RPRD2: variants seen among roughly 807,000 people sequenced by gnomAD.
RPRD2 encodes the protein regulation of nuclear pre-mRNA domain-containing protein 2.
Under a neutral mutation model 104.4 loss-of-function variants are expected in RPRD2, and 12 were observed. The ratio of observed to expected loss-of-function variants is 0.11; its 90% CI spans 0.07 to 0.19. The LOEUF is 0.19. RPRD2 is among the 10% of genes least tolerant of loss of function. The probability of loss-of-function intolerance (pLI) is 1.00; values close to 1 mark genes in which losing one functional copy is unlikely to be tolerated. For missense variants in RPRD2, 1,543 were observed against 1,790.1 expected, an observed-to-expected ratio of 0.86 and a Z score of 2.49; for synonymous variants, 714 against 684.9, an observed-to-expected ratio of 1.04 and a Z score of -0.66.
intron 1 of RPRD2, among the ~76,000 whole-genome samples, chr1:150,386,036 TAGAG>T (rs771886893): frequency 2.4e-4 from 36 of 152,286 alleles, no homozygotes; most frequent in East Asian, 5.8e-4. Flanking sequence ...TATGATTAGA[TAGAG>T]AGAAGACATT....
intron 1 of RPRD2, among the ~76,000 whole-genome samples, chr1:150,369,623 ATTTTTTT>A (rs61016870): frequency 1.5e-5 from 1 of 68,900 alleles, no homozygotes; most frequent in African/African-American, 5.6e-5. Flanking sequence ...CGCCCAGCTA[ATTTTTTT>A]TTTTTTTTTT....
In RPRD2 at chr1:150,364,605, C is replaced by A; in HGVS notation, c.-110C>A. 1.6e-6 allele frequency: 1 copy of A among 625,362 alleles called. No individual in the cohort carries two copies. 38.7% of individuals were successfully genotyped at this position (625,362 alleles called of 1,614,324 possible). A position where few individuals can be genotyped will look rare whatever the true frequency, so the allele number is the denominator to read the frequency against. On this transcript the variant is annotated 5_prime_UTR_variant, in exon 1 of 11. Coordinates refer to ENST00000369068, the MANE Select transcript of RPRD2 (RefSeq NM_015203.5). ...GTGCACCATCCCCACCCCCTAGCTT[C>A]CCTCCCCACCTACGGCTTTCACGCA...
At chr1:150,404,043 A>G (rs1217085841) in intron 1 of RPRD2, among the ~76,000 whole-genome samples, 1 of 152,196 alleles carries the variant, frequency 6.6e-6, no homozygotes, top group East Asian at 1.9e-4. Flanking sequence ...GCCTAGAGGA[A>G]ATGGAGAAAG....
Position 150,387,566 on chromosome 1 carries a change from CCT to C in RPRD2, c.205+22648_205+22649del, listed in dbSNP as rs1560158131. Among the ~76,000 whole-genome samples, 57 of 70,130 alleles carry C rather than the reference CCT, an allele frequency of 8.1e-4. 12 individuals carry two copies. Among genetic ancestry groups the C allele is most frequent in the South Asian group, 2.9e-3 (5 of 1,720 alleles). The allele number at this position is 70,130 out of a possible 152,430, so 46.0% of individuals were successfully genotyped here. A position where few individuals can be genotyped will look rare whatever the true frequency, so the allele number is the denominator to read the frequency against. ...TAAATCTTACAGAAGTTGCAACAGA[CCT>C]TTTTTTTTTTTTTTTTTTTTTTTTT... On this transcript the variant is annotated intron_variant, in intron 1 of 10. Transcript: ENST00000369068.
rs587612745 is a variant in RPRD2 at position 150,388,795 on chromosome 1, C to T, written c.205+23876C>T. ...CTAATTTTTGTATTTTTAGTAGAGG[C>T]GGGGTTTCACCATATTGGCCAGGCT... On this transcript the variant is annotated intron_variant, in intron 1 of 10. Transcript: ENST00000369068. Among the ~76,000 whole-genome samples, 8 of 151,786 alleles carry T rather than the reference C, an allele frequency of 5.3e-5. No homozygotes were observed. In the East Asian group the frequency reaches 7.7e-4, roughly 15 times the overall value.
chr1:150,431,705 T>C (rs1204683882), intron 2 of RPRD2, among the ~76,000 whole-genome samples: 2 of 152,122 alleles, frequency 1.3e-5, no homozygotes, highest in East Asian at 3.9e-4. Context: ...GGTCTTGAAC[T>C]CCTGACCTTA....
In RPRD2 at chr1:150,402,689, G is replaced by A. The variant is rs965952647; in HGVS notation, c.206-14907G>A. Among the ~76,000 whole-genome samples the A allele has an allele frequency of 6.6e-4, 96 of 146,438 alleles. 1 individual carries two copies. The highest frequency in any genetic ancestry group is 2.2e-3 in the African/African-American group (85 of 39,430). The stretch of plus-strand genomic sequence containing the variant: ...GCAAATCAAGATCCCCGTTTCAGCC[G>A]GGCGCGGTGGCTCACGCCTGTAATC... On this transcript the variant is annotated intron_variant, in intron 1 of 10. Coordinates refer to ENST00000369068, the MANE Select transcript of RPRD2 (RefSeq NM_015203.5).
At chr1:150,441,677 G>T in intron 3 of RPRD2, 1 of 428,080 alleles carries the variant, frequency 2.3e-6, no homozygotes, top group South Asian at 4.9e-5. Flanking sequence ...TGGTAATTTC[G>T]CTGATGATAA....
At chr1:150,451,958 T>C (rs192172735) in intron 7 of RPRD2, among the ~76,000 whole-genome samples, 2 of 151,658 alleles carry the variant, frequency 1.3e-5, no homozygotes, top group East Asian at 3.9e-4. Flanking sequence ...CTGGCCAATA[T>C]GGTGAAACCC....
chr1:150,473,192 G>C lies in RPRD2; in HGVS notation c.4244G>C (p.Arg1415Pro), dbSNP rs758905047. The change falls in exon 11 of 11, where the codon CGG becomes CCG. Residue 1415 changes from arginine to proline, a missense_variant. This residue lies in a region of RPRD2 where 880 missense variants were observed against 885.6 expected (regional missense o/e 0.99). Transcript: ENST00000369068. ...ATCAGCCGGAGTGGTATAATCTTAC[G>C]GAGTCCCCGGCCAGACTTTCGGCCT... ...DTISRSGIIL[R>P]SPRPDFRPRE... 15 of 1,613,962 alleles carry C rather than the reference G, an allele frequency of 9.3e-6. No homozygotes were observed. The highest frequency in any genetic ancestry group is 1.2e-5 in the Non-Finnish European group (14 of 1,179,868).
At chr1:150,365,015 T>C (rs1572324687) in intron 1 of RPRD2, 96 bp downstream of exon 1, 1 of 1,278,870 alleles carries the variant, frequency 7.8e-7, no homozygotes, top group East Asian at 2.4e-5. Flanking sequence ...CCGCAGCATT[T>C]GGTTGGGGTT....
At chr1:150,383,760 T>A (rs1553881256) in intron 1 of RPRD2, among the ~76,000 whole-genome samples, 3 of 152,164 alleles carry the variant, frequency 2.0e-5, no homozygotes, top group Non-Finnish European at 1.5e-5. Flanking sequence ...GCTTTTGAAA[T>A]TCATTCATAG....
intron 1 of RPRD2, among the ~76,000 whole-genome samples, chr1:150,384,450 CATTATTATT>C (rs60436957): frequency 0.33 from 43,075 of 132,252 alleles, 7,802 homozygotes; most frequent in Non-Finnish European, 0.4. Context: ...GCATCATCAT[CATTATTATT>C]ATTATTATTA....
intron 8 of RPRD2, among the ~76,000 whole-genome samples, chr1:150,458,166 A>G (rs1667671381): frequency 1.3e-5 from 2 of 151,564 alleles, no homozygotes; most frequent in African/African-American, 4.9e-5. Flanking sequence ...TATAAAATAC[A>G]CATTGAGGCC....
At chr1:150,462,737 G>T (rs1570790739) in intron 9 of RPRD2, among the ~76,000 whole-genome samples, 1 of 151,916 alleles carries the variant, frequency 6.6e-6, no homozygotes, top group South Asian at 2.1e-4. Flanking sequence ...TTGTATTTTT[G>T]GTAGAGACGG....
At chr1:150,397,559 G>A (rs1553884445) in intron 1 of RPRD2, among the ~76,000 whole-genome samples, 2 of 152,136 alleles carry the variant, frequency 1.3e-5, no homozygotes, top group Non-Finnish European at 2.9e-5. Context: ...TGTAAATGGA[G>A]TGATGTAACC....
chr1:150,437,117 C>T (rs1169539218), intron 2 of RPRD2, among the ~76,000 whole-genome samples: 2 of 152,008 alleles, frequency 1.3e-5, no homozygotes, highest in Non-Finnish European at 2.9e-5. Flanking sequence ...TGGATCTGGG[C>T]AAAGGAAATT....
chr1:150,457,963 C>T (rs980940102), intron 8 of RPRD2, among the ~76,000 whole-genome samples: 3 of 151,932 alleles, frequency 2.0e-5, no homozygotes, highest in African/African-American at 4.8e-5. Flanking sequence ...TCCAGCTACC[C>T]GGGAGGCTGA....
At chr1:150,388,970 C>T (rs1661852826) in intron 1 of RPRD2, among the ~76,000 whole-genome samples, 1 of 151,992 alleles carries the variant, frequency 6.6e-6, no homozygotes, top group Non-Finnish European at 1.5e-5. Context: ...GTTGTTTTCT[C>T]CATAACTCCA....
Sources: gnomAD v4.1 joint callset for allele counts (sites outside exome capture counted in the v4.1 genomes callset) on GRCh38, gnomAD v4.1.1 for gene constraint, gnomAD v4.1.1 regional missense constraint, MANE v1.5 for transcripts, NCBI Gene and HGNC (gene_info 2026-07-23, HGNC 2026-07-21) for gene names.